CRPPA: variants seen among roughly 807,000 people sequenced by gnomAD.
CRPPA encodes CDP-L-ribitol pyrophosphorylase A, also known as D-ribitol-5-phosphate cytidylyltransferase.
CRPPA carries 43 observed loss-of-function variants against 52.0 expected under a neutral mutation model. The ratio of observed to expected loss-of-function variants is 0.83; its 90% confidence interval spans 0.65 to 1.07. CRPPA has a LOEUF of 1.07. Among genes scored for constraint, CRPPA ranks in the 50% least tolerant of loss-of-function variants. CRPPA has a pLI of 0.00. For missense variants in CRPPA, 629 were observed against 551.7 expected, an observed-to-expected ratio of 1.14 and a Z score of -1.40; for synonymous variants, 250 against 203.5, an observed-to-expected ratio of 1.23 and a Z score of -1.94.
At position 16,121,712 on chromosome 7, in the gene CRPPA, C is replaced by T. The variant is rs1167300336; in HGVS notation, c.1252-29913G>A. On this transcript the variant is annotated intron_variant, in intron 9 of 9. Transcript: ENST00000407010. ...CACACATATGCATTACAAAGGTAAGCAGGAAGCCTTGTCAATTTCAGGAAC... is the reference window on the plus strand; with the variant it reads ...CACACATATGCATTACAAAGGTAAGTAGGAAGCCTTGTCAATTTCAGGAAC... 2.0e-5 allele frequency among the ~76,000 whole-genome samples: 3 copies of T among 152,138 alleles called. No homozygotes were observed. In the East Asian group the frequency reaches 5.8e-4, roughly 29 times the overall value.
Position 16,091,745 on chromosome 7 carries a change from A to G in CRPPA, c.1306T>C (p.Leu436=). ...AGTCCAGAATTTCTTTCCTTGATTA[A>G]TGAAGCAATAATGATAGCACCTTGC... is the stretch of plus-strand genomic sequence containing the variant. ...LRQGAIIIAS[L]IKERNSGLIG... The change falls in exon 10 of 10, where the codon TTA becomes CTA. Residue 436 remains leucine (L), a synonymous_variant. Coordinates refer to ENST00000407010, the MANE Select transcript of CRPPA (RefSeq NM_001101426.4). 2 of 1,565,524 alleles carry G rather than the reference A, an allele frequency of 1.3e-6. No homozygotes were observed. Among genetic ancestry groups the G allele is most frequent in the Non-Finnish European group, 1.7e-6 (2 of 1,153,514 alleles).
At chr7:16,293,735 G>C (rs566877249) in intron 5 of CRPPA, among the ~76,000 whole-genome samples, 1 of 152,106 alleles carries the variant, frequency 6.6e-6, no homozygotes, top group East Asian at 1.9e-4. Flanking sequence ...GTTTCAACTG[G>C]AGGACAATGG....
chr7:16,304,872 A>C (rs1197468139), intron 4 of CRPPA, among the ~76,000 whole-genome samples: 3 of 152,290 alleles, frequency 2.0e-5, no homozygotes, highest in Admixed American at 2.0e-4. Flanking sequence ...ATGGTAATAA[A>C]ATGCCTCAAT....
At chr7:16,355,711 C>T (rs1453698829) in intron 3 of CRPPA, among the ~76,000 whole-genome samples, 1 of 152,158 alleles carries the variant, frequency 6.6e-6, no homozygotes, top group Non-Finnish European at 1.5e-5. Context: ...TCCCAACATC[C>T]TCATTTGTTC....
chr7:16,406,438 G>C, intron 1 of CRPPA, 101 bp from the exon 2 acceptor site: 1 of 999,132 alleles, frequency 1.0e-6, no homozygotes, highest in Non-Finnish European at 1.5e-6. Context: ...TAAATAGGGA[G>C]ATTAAAAACT....
intron 9 of CRPPA, among the ~76,000 whole-genome samples, chr7:16,186,763 G>A (rs1781511838): frequency 1.3e-5 from 2 of 151,712 alleles, no homozygotes; most frequent in African/African-American, 4.8e-5. Context: ...AATAGAATTT[G>A]TTCCCAGAGT....
intron 9 of CRPPA, among the ~76,000 whole-genome samples, chr7:16,188,569 A>G (rs528854643): frequency 8.5e-5 from 13 of 152,160 alleles, no homozygotes; most frequent in Non-Finnish European, 1.9e-4. Context: ...GAGATTGGAC[A>G]TACAACAGAA....
At chr7:16,326,732 A>G (rs1785400547) in intron 3 of CRPPA, among the ~76,000 whole-genome samples, 1 of 152,178 alleles carries the variant, frequency 6.6e-6, no homozygotes, top group Non-Finnish European at 1.5e-5. Flanking sequence ...TTCGCCAATA[A>G]CTATAATCCT....
intron 9 of CRPPA, among the ~76,000 whole-genome samples, chr7:16,178,510 G>C (rs1033637307): frequency 1.4e-4 from 22 of 152,080 alleles, no homozygotes; most frequent in African/African-American, 5.3e-4. Context: ...TGTTGGTTCA[G>C]TTTCAAGAAA....
chr7:16,338,871 A>G (rs1326649773), intron 3 of CRPPA, among the ~76,000 whole-genome samples: 1 of 143,540 alleles, frequency 7.0e-6, no homozygotes, highest in East Asian at 2.1e-4. Context: ...GCTGGAGTGC[A>G]GTGGCATGAT....
chr7:16,186,279 A>C (rs1035618738), intron 9 of CRPPA, among the ~76,000 whole-genome samples: 2 of 152,160 alleles, frequency 1.3e-5, no homozygotes, highest in Non-Finnish European at 2.9e-5. Context: ...GTCTTTTGGA[A>C]GGTAATTAGG....
intron 2 of CRPPA, among the ~76,000 whole-genome samples, chr7:16,388,890 A>C (rs761797840): frequency 7.2e-5 from 11 of 152,316 alleles, no homozygotes; most frequent in Admixed American, 5.9e-4. Context: ...CAACAAAAAC[A>C]GTTCACAACC....
chr7:16,240,572 T>TACACAC (rs71549978), intron 8 of CRPPA, among the ~76,000 whole-genome samples: 1,929 of 148,014 alleles, frequency 0.013, 36 homozygotes, highest in African/African-American at 0.037. Flanking sequence ...TTATTACACA[T>TACACAC]ACACACACAC....
At chr7:16,241,477 T>C (rs1051442929) in intron 8 of CRPPA, among the ~76,000 whole-genome samples, 2 of 152,250 alleles carry the variant, frequency 1.3e-5, no homozygotes, top group Non-Finnish European at 2.9e-5. Context: ...ATAATTACAG[T>C]AAAACTTTTG....
At chr7:16,288,908 A>G (rs931178453) in intron 5 of CRPPA, among the ~76,000 whole-genome samples, 1 of 151,448 alleles carries the variant, frequency 6.6e-6, no homozygotes, top group Admixed American at 6.6e-5. Context: ...CAAAAAATAC[A>G]AAGATCAACA....
chr7:16,283,603 T>C (rs1040954109), intron 5 of CRPPA, among the ~76,000 whole-genome samples: 4 of 151,552 alleles, frequency 2.6e-5, no homozygotes, highest in African/African-American at 7.3e-5. Context: ...TATCCTACTA[T>C]AGCTTATTAC....
chr7:16,299,435 T>G lies in CRPPA; in HGVS notation c.835+1986A>C, dbSNP rs541902749. Among the ~76,000 whole-genome samples the G allele has an allele frequency of 2.0e-5, 3 of 152,284 alleles. No individual in the cohort carries two copies. The South Asian group carries it at 6.2e-4, about 32-fold the overall frequency. The stretch of plus-strand genomic sequence containing the variant: ...GATGTCTGGAATTTAATGTACAAAC[T>G]AATCAACCAGAGCTCCTGTTAAAAT... On this transcript the variant is annotated intron_variant, in intron 5 of 9. Transcript: ENST00000407010.
At chr7:16,144,492 T>A (rs551411508) in intron 9 of CRPPA, among the ~76,000 whole-genome samples, 8 of 152,266 alleles carry the variant, frequency 5.3e-5, no homozygotes, top group Non-Finnish European at 1.0e-4. Context: ...GCCAGAAGGT[T>A]TTGCAAAGCT....
At chr7:16,233,726 C>A (rs748252032) in intron 8 of CRPPA, among the ~76,000 whole-genome samples, 1 of 152,086 alleles carries the variant, frequency 6.6e-6, no homozygotes, top group Non-Finnish European at 1.5e-5. Context: ...CGGGTACAAT[C>A]GTAATGCACA....
Sources: allele counts gnomAD v4.1 joint callset (sites outside exome capture counted in the v4.1 genomes callset), GRCh38; gene constraint gnomAD v4.1.1; transcripts MANE v1.5; gene names NCBI Gene and HGNC (gene_info 2026-07-23, HGNC 2026-07-21).